IMMP2L: variants seen among roughly 807,000 people sequenced by gnomAD.
IMMP2L encodes the protein mitochondrial inner membrane protease subunit 2.
Under a neutral mutation model 19.3 loss-of-function variants are expected in IMMP2L, and 18 were observed. That is an observed-to-expected ratio of 0.93 (90% confidence interval 0.64 to 1.38). The LOEUF (loss-of-function observed/expected upper bound fraction) is 1.38, where lower values mean the gene tolerates loss of function less well. Among genes scored for constraint, IMMP2L ranks in the 40% most tolerant of loss-of-function variants. IMMP2L has a pLI of 0.00. For missense variants in IMMP2L, 233 were observed against 218.2 expected (o/e 1.07, Z -0.43); for synonymous variants, 76 against 73.0 (o/e 1.04, Z -0.21).
intron 2 of IMMP2L, among the ~76,000 whole-genome samples, chr7:111,493,868 T>A (rs1202900548): frequency 6.9e-6 from 1 of 143,902 alleles, no homozygotes; most frequent in African/African-American, 2.6e-5. Context: ...GGTGTAGTGG[T>A]GGGCCGCTGT....
intron 5 of IMMP2L, among the ~76,000 whole-genome samples, chr7:110,779,375 A>G (rs1186737129): frequency 1.3e-5 from 2 of 151,982 alleles, no homozygotes; most frequent in Non-Finnish European, 2.9e-5. Flanking sequence ...GTAAGTTATC[A>G]AAAAATACCA....
intron 5 of IMMP2L, among the ~76,000 whole-genome samples, chr7:110,739,701 C>T (rs1022777377): frequency 3.3e-5 from 5 of 151,970 alleles, no homozygotes; most frequent in Non-Finnish European, 4.4e-5. Context: ...CTATTCCCTA[C>T]GAAAAATGAA....
At chr7:110,687,275 T>C (rs1379083786) in intron 5 of IMMP2L, among the ~76,000 whole-genome samples, 1 of 152,054 alleles carries the variant, frequency 6.6e-6, no homozygotes, top group Non-Finnish European at 1.5e-5. Context: ...ATAAAGCTTT[T>C]AAAAAATGAC....
chr7:110,838,138 C>A (rs1649533397), intron 5 of IMMP2L, among the ~76,000 whole-genome samples: 1 of 152,032 alleles, frequency 6.6e-6, no homozygotes, highest in East Asian at 1.9e-4. Context: ...CCTAAATAAT[C>A]ATATTCAGTC....
chr7:111,411,090 TAAAAAA>T (rs536367628), intron 3 of IMMP2L, among the ~76,000 whole-genome samples: 1 of 78,876 alleles, frequency 1.3e-5, no homozygotes, highest in Non-Finnish European at 2.8e-5. Flanking sequence ...ATCAAATTGC[TAAAAAA>T]AAAAAAAAAA....
chr7:110,940,703 T>G (rs1816653370), intron 4 of IMMP2L, among the ~76,000 whole-genome samples: 1 of 152,166 alleles, frequency 6.6e-6, no homozygotes, highest in South Asian at 2.1e-4. Context: ...TATGCAAATG[T>G]ATGTCACTCT....
intron 3 of IMMP2L, among the ~76,000 whole-genome samples, chr7:111,158,960 T>C (rs1277149272): frequency 2.0e-5 from 3 of 152,174 alleles, no homozygotes; most frequent in Non-Finnish European, 2.9e-5. Context: ...TATAAGCATA[T>C]GCTTAATATC....
At chr7:110,675,129 A>G (rs1408747158) in intron 5 of IMMP2L, among the ~76,000 whole-genome samples, 2 of 152,176 alleles carry the variant, frequency 1.3e-5, no homozygotes, top group South Asian at 4.1e-4. Context: ...CCACCTTTGG[A>G]TCCAGAGGAT....
chr7:110,768,188 C>T (rs535453570), intron 5 of IMMP2L, among the ~76,000 whole-genome samples: 1 of 143,720 alleles, frequency 7.0e-6, no homozygotes, highest in Admixed American at 7.3e-5. Context: ...GAAGGGGTGA[C>T]ATTTGACTAG....
intron 5 of IMMP2L, among the ~76,000 whole-genome samples, chr7:110,717,018 A>T (rs569713661): frequency 4.3e-4 from 65 of 152,344 alleles, no homozygotes; most frequent in African/African-American, 1.5e-3. Flanking sequence ...TCTGAATGTT[A>T]TAAGAATATG....
chr7:111,080,001 G>A (rs892070472), intron 3 of IMMP2L, among the ~76,000 whole-genome samples: 10 of 140,214 alleles, frequency 7.1e-5, no homozygotes, highest in South Asian at 2.5e-4. Flanking sequence ...CTTGAACTTC[G>A]CAGCCTCCAG....
chr7:111,288,251 T>G (rs1820712931), intron 3 of IMMP2L, among the ~76,000 whole-genome samples: 1 of 152,186 alleles, frequency 6.6e-6, no homozygotes, highest in Non-Finnish European at 1.5e-5. Context: ...AAATTCGTAT[T>G]TGGTGGATTT....
chr7:111,464,068 T>C (rs960015533), intron 3 of IMMP2L, among the ~76,000 whole-genome samples: 8 of 152,298 alleles, frequency 5.3e-5, no homozygotes, highest in Admixed American at 3.3e-4. Flanking sequence ...GGAGCATGGA[T>C]TGTGAAGGCA....
At chr7:110,810,208 G>C (rs1274716799) in intron 5 of IMMP2L, among the ~76,000 whole-genome samples, 1 of 152,018 alleles carries the variant, frequency 6.6e-6, no homozygotes, top group Non-Finnish European at 1.5e-5. Flanking sequence ...TACAATGGCT[G>C]CATTTAATTC....
At chr7:110,684,537 A>C (rs924807378) in intron 5 of IMMP2L, among the ~76,000 whole-genome samples, 1 of 151,852 alleles carries the variant, frequency 6.6e-6, no homozygotes, top group Non-Finnish European at 1.5e-5. Flanking sequence ...TTGTGTGATA[A>C]ATTTTGATTG....
At chr7:111,221,341 G>GA (rs761250760) in intron 3 of IMMP2L, among the ~76,000 whole-genome samples, 13 of 151,962 alleles carry the variant, frequency 8.6e-5, no homozygotes, top group Non-Finnish European at 1.8e-4. Flanking sequence ...GTATTAGAAA[G>GA]CATTACCCAT....
intron 3 of IMMP2L, among the ~76,000 whole-genome samples, chr7:111,395,540 T>A (rs1225790989): frequency 6.6e-6 from 1 of 152,178 alleles, no homozygotes; most frequent in Admixed American, 6.5e-5. Flanking sequence ...GGTACAAAAT[T>A]TCTAAAAGTG....
intron 3 of IMMP2L, among the ~76,000 whole-genome samples, chr7:111,345,421 G>A (rs1827440576): frequency 6.6e-6 from 1 of 152,094 alleles, no homozygotes; most frequent in Non-Finnish European, 1.5e-5. Context: ...GTCTCCTGGG[G>A]TTTACAGGAT....
At chr7:110,674,119 G>C (rs7793471) in intron 5 of IMMP2L, among the ~76,000 whole-genome samples, 1 of 152,076 alleles carries the variant, frequency 6.6e-6, no homozygotes, top group South Asian at 2.1e-4. Context: ...GGCTGGAGAG[G>C]CCTCAGGAAA....
Sources: gnomAD v4.1 joint callset for allele counts (sites outside exome capture counted in the v4.1 genomes callset) on GRCh38, gnomAD v4.1.1 for gene constraint, MANE v1.5 for transcripts, NCBI Gene and HGNC (gene_info 2026-07-23, HGNC 2026-07-21) for gene names.